Variants in MAF observed in about 807,000 individuals in gnomAD.
MAF encodes the protein MAF bZIP transcription factor.
A neutral mutation model predicts 22.0 loss-of-function variants in MAF; 10 were observed. The observed-to-expected ratio is 0.45, with a 90% CI of 0.28 to 0.77. MAF has a LOEUF of 0.77. MAF is among the 30% of genes least tolerant of loss of function. The probability of loss-of-function intolerance (pLI) is 0.12; values close to 1 mark genes in which losing one functional copy is unlikely to be tolerated. For synonymous variants in MAF, 337 were observed against 255.8 expected (o/e 1.32, Z -3.03); for missense variants, 544 against 548.4 (o/e 0.99, Z 0.08).
chr16:79,304,861 T>C, the MAF span, among the ~76,000 whole-genome samples: 26 of 152,336 alleles, frequency 1.7e-4, no homozygotes, highest in African/African-American at 6.0e-4. Flanking sequence ...TTTCTTTCCA[T>C]GGCAGATCAA....
the MAF span, among the ~76,000 whole-genome samples, chr16:79,253,019 C>A: frequency 1.3e-5 from 2 of 152,334 alleles, no homozygotes; most frequent in East Asian, 3.9e-4. Context: ...AAATCCACTT[C>A]ATGAGTTTAT....
chr16:79,457,926 A>C, the MAF span, among the ~76,000 whole-genome samples: 3 of 152,314 alleles, frequency 2.0e-5, no homozygotes, highest in African/African-American at 2.4e-5. Flanking sequence ...TGATTTCCTT[A>C]TCCCAAAATG....
chr16:79,347,766 C>G, the MAF span, among the ~76,000 whole-genome samples: 2 of 152,148 alleles, frequency 1.3e-5, no homozygotes, highest in South Asian at 2.1e-4. Context: ...GCTCAGGGAT[C>G]TCCTAACTCC....
chr16:79,582,315 G>A (rs1341703215), downstream of MAF, among the ~76,000 whole-genome samples: 1 of 152,214 alleles, frequency 6.6e-6, no homozygotes, highest in Non-Finnish European at 1.5e-5. Flanking sequence ...GTGACTGAAC[G>A]TGTGCTTTTA....
chr16:79,267,275 C>G, the MAF span, among the ~76,000 whole-genome samples: 2 of 152,186 alleles, frequency 1.3e-5, no homozygotes, highest in African/African-American at 4.8e-5. Flanking sequence ...GAAAATCACT[C>G]TATGGAGGGT....
chr16:79,457,011 T>A, the MAF span, among the ~76,000 whole-genome samples: 2 of 152,002 alleles, frequency 1.3e-5, no homozygotes, highest in Admixed American at 6.6e-5. Context: ...TTATAAGAAA[T>A]TTGGGTAAAT....
chr16:79,327,430 T>C, the MAF span, among the ~76,000 whole-genome samples: 1 of 152,184 alleles, frequency 6.6e-6, no homozygotes, highest in East Asian at 1.9e-4. Flanking sequence ...ATAGTCTCTC[T>C]TGGAGGCAGA....
the MAF span, among the ~76,000 whole-genome samples, chr16:79,432,699 T>G: frequency 1.4e-4 from 21 of 152,204 alleles, no homozygotes; most frequent in African/African-American, 3.9e-4. Context: ...GGATGGCCCC[T>G]AATCCAATAT....
chr16:79,554,853 C>G, the MAF span, among the ~76,000 whole-genome samples: 1 of 152,130 alleles, frequency 6.6e-6, no homozygotes. Context: ...GAAACTGATT[C>G]TGCGTGATTT....
the MAF span, among the ~76,000 whole-genome samples, chr16:79,442,022 G>T: frequency 6.6e-6 from 1 of 152,190 alleles, no homozygotes; most frequent in African/African-American, 2.4e-5. Flanking sequence ...GCCAAAGAAC[G>T]CCAGCAGGAC....
At chr16:79,481,985 A>T in the MAF span, among the ~76,000 whole-genome samples, 1 of 152,150 alleles carries the variant, frequency 6.6e-6, no homozygotes, top group Non-Finnish European at 1.5e-5. Flanking sequence ...ATTGGGAGAG[A>T]CTGCAGACAA....
chr16:79,287,590 T>G, the MAF span, among the ~76,000 whole-genome samples: 1 of 152,334 alleles, frequency 6.6e-6, no homozygotes, highest in East Asian at 1.9e-4. Context: ...AAATCAGATG[T>G]TATTTTTTGG....
At chr16:79,246,867 C>T in the MAF span, among the ~76,000 whole-genome samples, 15 of 151,832 alleles carry the variant, frequency 9.9e-5, no homozygotes, top group African/African-American at 2.4e-4. Flanking sequence ...CAATAATTTT[C>T]CATCTACCTT....
chr16:79,312,946 C>A, the MAF span, among the ~76,000 whole-genome samples: 4 of 152,034 alleles, frequency 2.6e-5, no homozygotes, highest in African/African-American at 9.7e-5. Context: ...CATCATCGGC[C>A]CAGTTTAGGA....
the MAF span, among the ~76,000 whole-genome samples, chr16:79,409,862 T>G: frequency 4.6e-5 from 7 of 152,316 alleles, no homozygotes; most frequent in South Asian, 1.4e-3. Context: ...TAGCCAAACG[T>G]GGTGACTGAA....
chr16:79,545,227 C>G, the MAF span, among the ~76,000 whole-genome samples: 1 of 152,162 alleles, frequency 6.6e-6, no homozygotes, highest in Non-Finnish European at 1.5e-5. Flanking sequence ...AAAGTAGACT[C>G]AGACACAGGA....
chr16:79,505,168 G>A, the MAF span, among the ~76,000 whole-genome samples: 1 of 152,190 alleles, frequency 6.6e-6, no homozygotes, highest in East Asian at 1.9e-4. Flanking sequence ...GAAAACAGGT[G>A]GAAGATATTG....
At chr16:79,231,642 A>T in the MAF span, among the ~76,000 whole-genome samples, 2 of 152,102 alleles carry the variant, frequency 1.3e-5, no homozygotes, top group African/African-American at 4.8e-5. Flanking sequence ...AAAGCAGGAA[A>T]GAATTACAAA....
the MAF span, among the ~76,000 whole-genome samples, chr16:79,467,771 T>C: frequency 1.3e-5 from 2 of 152,162 alleles, no homozygotes; most frequent in Admixed American, 1.3e-4. Flanking sequence ...TGTGAACCAC[T>C]GCTCTAAGTG....
Sources: gnomAD v4.1 joint callset for allele counts (sites outside exome capture counted in the v4.1 genomes callset) on GRCh38, gnomAD v4.1.1 for gene constraint, MANE v1.5 for transcripts, NCBI Gene and HGNC (gene_info 2026-07-23, HGNC 2026-07-21) for gene names.